FRG1: variants seen among roughly 807,000 people sequenced by gnomAD.
The protein encoded by FRG1 is FSHD region gene 1.
In FRG1, 19 loss-of-function variants were observed where a neutral mutation model predicts 37.0. That is an observed-to-expected ratio of 0.51 (90% CI 0.36 to 0.75). The LOEUF is 0.75. FRG1 is among the 30% of genes least tolerant of loss of function. The pLI, the probability that FRG1 is intolerant of heterozygous loss-of-function variation, is 0.00. For synonymous variants in FRG1, 73 were observed against 96.5 expected (o/e 0.76, Z 1.43); for missense variants, 243 against 301.4 (o/e 0.81, Z 1.44).
intron 2 of FRG1, among the ~76,000 whole-genome samples, chr4:189,945,406 T>C (rs978435214): frequency 6.6e-6 from 1 of 152,248 alleles, no homozygotes; most frequent in Non-Finnish European, 1.5e-5. Flanking sequence ...AAAACTTTTA[T>C]CAAAATGAGG....
chr4:189,956,604 C>T (rs1444508529), intron 5 of FRG1, among the ~76,000 whole-genome samples: 1 of 152,152 alleles, frequency 6.6e-6, no homozygotes, highest in African/African-American at 2.4e-5. Context: ...GACCACCCAG[C>T]CCTTGTGACC....
At chr4:189,958,784 T>G (rs1737099385) in intron 6 of FRG1, among the ~76,000 whole-genome samples, 1 of 152,096 alleles carries the variant, frequency 6.6e-6, no homozygotes, top group African/African-American at 2.4e-5. Context: ...AGGCTTAATT[T>G]TTTAGACTCA....
intron 1 of FRG1, among the ~76,000 whole-genome samples, chr4:189,942,271 A>T (rs1274846309): frequency 1.3e-5 from 2 of 152,100 alleles, no homozygotes; most frequent in South Asian, 2.1e-4. Context: ...CCTTTTGTAC[A>T]GTCAGGGGTT....
rs532988828 is a variant in FRG1 at position 189,960,218 on chromosome 4, C to T, written c.538-530C>T. ...TAATTGTTGAATGCAGATTAATTAA[C>T]TTATGACATGTGGTAGTAAACATCT... On this transcript the variant is annotated intron_variant, in intron 6 of 8. Transcript: ENST00000226798. 6.4e-3 allele frequency among the ~76,000 whole-genome samples: 970 copies of T among 152,264 alleles called. 5 individuals are homozygous for T. The highest frequency in any genetic ancestry group is 0.01 in the Non-Finnish European group (703 of 68,026).
At position 189,944,186 on chromosome 4, in the gene FRG1, C is replaced by CT. The variant is rs530656671; in HGVS notation, c.133+922dup. On this transcript the variant is annotated intron_variant, in intron 2 of 8. Transcript: ENST00000226798. Reference sequence around the variant, plus strand: ...TTAATGGTGGTTTTTGGATGAGCAGCTTTTTTTTGAGACAAATTCTCACTC... The same window carrying CT: ...TTAATGGTGGTTTTTGGATGAGCAGCTTTTTTTTTGAGACAAATTCTCACTC... Among the ~76,000 whole-genome samples the CT allele has an allele frequency of 1.5e-4, 23 of 151,834 alleles. No individual in the cohort carries two copies. The East Asian group carries it at 2.3e-3, about 15-fold the overall frequency.
chr4:189,951,149 T>A (rs1238522367), intron 2 of FRG1, among the ~76,000 whole-genome samples: 1 of 152,144 alleles, frequency 6.6e-6, no homozygotes, highest in East Asian at 1.9e-4. Context: ...GAAATTAGTA[T>A]ACATAGACAT....
intron 1 of FRG1, among the ~76,000 whole-genome samples, 174 bp from the exon 2 acceptor site, chr4:189,943,028 C>T (rs1736383521): frequency 6.6e-6 from 1 of 152,132 alleles, no homozygotes; most frequent in Non-Finnish European, 1.5e-5. Flanking sequence ...GTAATATGTG[C>T]AAAGCCTGAA....
At chr4:189,945,929 T>G (rs1736509472) in intron 2 of FRG1, among the ~76,000 whole-genome samples, 1 of 152,142 alleles carries the variant, frequency 6.6e-6, no homozygotes, top group Non-Finnish European at 1.5e-5. Context: ...TGTGGGAAAA[T>G]TAAAATTTTT....
intron 2 of FRG1, among the ~76,000 whole-genome samples, chr4:189,944,488 C>A (rs75000636): frequency 6.6e-6 from 1 of 151,936 alleles, no homozygotes; most frequent in Non-Finnish European, 1.5e-5. Context: ...TTTGCTTACC[C>A]CAAAGTCAGG....
intron 1 of FRG1, chr4:189,942,137 G>T (rs1443433945): frequency 6.1e-6 from 1 of 164,288 alleles, no homozygotes; most frequent in Non-Finnish European, 1.3e-5. Flanking sequence ...CATAATTAAT[G>T]CTCATATAGC....
In FRG1 at chr4:189,955,102, G is replaced by A. The variant is rs75585360; in HGVS notation, c.383G>A (p.Arg128His). The A allele has an allele frequency of 2.7e-5, 44 of 1,613,288 alleles. 1 individual carries two copies. In the Middle Eastern group the frequency reaches 1.5e-3, roughly 54 times the overall value. ...AATTCAGATGGACTTGTTGTTGGGCGTTCAGATGCAATTGGACCAAGAGAA... is the reference window on the plus strand; with the variant it reads ...AATTCAGATGGACTTGTTGTTGGGCATTCAGATGCAATTGGACCAAGAGAA... ...GINSDGLVVGRSDAIGPREQW... is the reference protein window; with the variant it reads ...GINSDGLVVGHSDAIGPREQW... Residue 128 changes from arginine to histidine, a missense_variant, in exon 5 of 9, where the codon CGT becomes CAT. By Grantham distance (29) the Arg-to-His change is conservative (BLOSUM62 0). This residue lies in a region of FRG1 where 133 missense variants were observed against 199.3 expected (regional missense o/e 0.67). Coordinates refer to ENST00000226798, the MANE Select transcript of FRG1 (RefSeq NM_004477.3).
At chr4:189,947,142 A>G (rs1439466070) in intron 2 of FRG1, among the ~76,000 whole-genome samples, 3 of 152,212 alleles carry the variant, frequency 2.0e-5, no homozygotes, top group Non-Finnish European at 4.4e-5. Context: ...GTGCCCGGCC[A>G]GTTCAGTGTT....
intron 8 of FRG1, among the ~76,000 whole-genome samples, chr4:189,962,691 CATT>C (rs1737287921): frequency 6.6e-6 from 1 of 151,982 alleles, no homozygotes; most frequent in Non-Finnish European, 1.5e-5. Context: ...ATATGTATCT[CATT>C]GTAAGAAATC....
intron 6 of FRG1, among the ~76,000 whole-genome samples, chr4:189,958,588 C>T (rs1737089743): frequency 6.6e-6 from 1 of 152,224 alleles, no homozygotes; most frequent in African/African-American, 2.4e-5. Context: ...GGCTAAATTC[C>T]CTCATCCGTA....
At chr4:189,952,963 T>G in intron 3 of FRG1, 105 bp from the exon 4 acceptor site, 1 of 1,442,512 alleles carries the variant, frequency 6.9e-7, no homozygotes, top group Admixed American at 2.9e-5. Context: ...TGAATATTCT[T>G]ACATTTAATT....
intron 2 of FRG1, 37 bp downstream of exon 2, chr4:189,943,309 T>TA (rs960338343): frequency 2.5e-6 from 4 of 1,582,440 alleles, no homozygotes; most frequent in Non-Finnish European, 3.4e-6. Flanking sequence ...TGAAAAAAGT[T>TA]AATGTTTCTT....
At chr4:189,960,227 T>C (rs901109321) in intron 6 of FRG1, among the ~76,000 whole-genome samples, 1 of 152,182 alleles carries the variant, frequency 6.6e-6, no homozygotes, top group Non-Finnish European at 1.5e-5. Flanking sequence ...ACTTATGACA[T>C]GTGGTAGTAA....
chr4:189,961,645 C>T (rs111325833), intron 7 of FRG1, 177 bp from the exon 8 acceptor site: 4 of 440,772 alleles, frequency 9.1e-6, no homozygotes, highest in African/African-American at 2.1e-5. Flanking sequence ...TGACCTTGAG[C>T]GATGTGCCTG....
At chr4:189,954,928 T>C in intron 4 of FRG1, 109 bp from the exon 5 acceptor site, 1 of 649,080 alleles carries the variant, frequency 1.5e-6, no homozygotes, top group Non-Finnish European at 2.7e-6. Context: ...ATGTGCAGTC[T>C]GAAATTTTAG....
Sources: gnomAD v4.1 joint callset for allele counts (sites outside exome capture counted in the v4.1 genomes callset) on GRCh38, gnomAD v4.1.1 for gene constraint, gnomAD v4.1.1 regional missense constraint, MANE v1.5 for transcripts, NCBI Gene and HGNC (gene_info 2026-07-23, HGNC 2026-07-21) for gene names.